The following DISP1 variants were observed in gnomAD, a reference collection of about 807,000 sequenced individuals.
DISP1 encodes protein dispatched homolog 1.
Under a neutral mutation model 37.3 loss-of-function variants are expected in DISP1, and 30 were observed. The observed-to-expected ratio is 0.80, with a 90% CI of 0.60 to 1.09. The LOEUF is 1.09. Ranked by LOEUF, DISP1 falls within the 50% of genes least tolerant of loss-of-function variation. The pLI, the probability that DISP1 is intolerant of heterozygous loss-of-function variation, is 0.00. For synonymous variants in DISP1, 634 were observed against 690.2 expected (o/e 0.92, Z 1.28); for missense variants, 1,598 against 1,879.5 (o/e 0.85, Z 2.77).
intron 1 of DISP1, among the ~76,000 whole-genome samples, chr1:222,846,462 G>T (rs1194843376): frequency 6.6e-6 from 1 of 152,142 alleles, no homozygotes; most frequent in African/African-American, 2.4e-5. Context: ...TTGCACTCCA[G>T]CCTGGGCAAC....
At chr1:222,841,582 C>G (rs1004014816) in intron 1 of DISP1, among the ~76,000 whole-genome samples, 26 of 152,238 alleles carry the variant, frequency 1.7e-4, no homozygotes, top group African/African-American at 6.0e-4. Context: ...ATTTCCATCT[C>G]CAGAAGACTG....
intron 1 of DISP1, among the ~76,000 whole-genome samples, chr1:222,817,397 A>C (rs1202961732): frequency 6.6e-6 from 1 of 152,212 alleles, no homozygotes; most frequent in Non-Finnish European, 1.5e-5. Context: ...CTAGTTTGTA[A>C]AATACGAAAT....
At chr1:222,821,308 A>C (rs915878099) in intron 1 of DISP1, among the ~76,000 whole-genome samples, 2 of 152,252 alleles carry the variant, frequency 1.3e-5, no homozygotes, top group African/African-American at 4.8e-5. Flanking sequence ...TTGAGTAAAC[A>C]ACTATTTGAA....
rs796974033 is a variant in DISP1, at chr1:222,984,421, A to ATATATATATAT, written c.539+1312_539+1313insTATATATATAT. 2.6e-4 allele frequency among the ~76,000 whole-genome samples: 28 copies of ATATATATATAT among 105,778 alleles called. 1 individual carries two copies. The highest frequency in any genetic ancestry group is 8.6e-4 in the African/African-American group (22 of 25,706). The allele number at this position is 105,778 out of a possible 152,430, so 69.4% of individuals were successfully genotyped here. ...TCTGTCTCAAAAAAAAAAAAAAAAA[A>ATATATATATAT]ATATATATATATATAGAGAGAGAGA... is the stretch of plus-strand genomic sequence containing the variant. On this transcript the variant is annotated intron_variant, in intron 4 of 8. Coordinates refer to ENST00000675850, the MANE Select transcript of DISP1 (RefSeq NM_001377229.1).
chr1:222,942,957 C>G lies in DISP1; in HGVS notation c.134C>G (p.Ala45Gly). 6.2e-7 allele frequency: 1 copy of G among 1,614,164 alleles called. No individual in the cohort carries two copies. Among genetic ancestry groups the G allele is most frequent in the Non-Finnish European group, 8.5e-7 (1 of 1,180,034 alleles). ...GCCCAGCAGCTCACACCCAAAGAAG[C>G]AACAAGAACAAAAGTGAGTCCAAAT... Reference protein sequence around the residue: ...HAAQQLTPKEATRTKVSPNGC... With the variant: ...HAAQQLTPKEGTRTKVSPNGC... The change falls in exon 3 of 9, where the codon GCA becomes GGA. Residue 45 changes from alanine (A) to glycine (G), a missense_variant. Transcript: ENST00000675850.
In DISP1 at chr1:222,990,106, G is replaced by A. The variant is rs774539002; in HGVS notation, c.540-519G>A. ...TGTGAGCCACCATGCTCAGCCCTTAGTTTGGTTATTTTTAAGATCTGAACT... is the reference window on the plus strand; with the variant it reads ...TGTGAGCCACCATGCTCAGCCCTTAATTTGGTTATTTTTAAGATCTGAACT... On this transcript the variant is annotated intron_variant, in intron 4 of 8. Coordinates refer to ENST00000675850, the MANE Select transcript of DISP1 (RefSeq NM_001377229.1). 5.4e-4 allele frequency among the ~76,000 whole-genome samples: 82 copies of A among 152,066 alleles called. 1 individual carries two copies. Among genetic ancestry groups the A allele is most frequent in the South Asian group, 6.2e-4 (3 of 4,824 alleles).
chr1:222,915,283 A>G (rs948716940), intron 1 of DISP1, among the ~76,000 whole-genome samples: 5 of 152,136 alleles, frequency 3.3e-5, no homozygotes, highest in Non-Finnish European at 7.3e-5. Context: ...TATATAGGGG[A>G]TCTGAGCTTG....
chr1:222,825,369 T>C (rs1329859270), intron 1 of DISP1, among the ~76,000 whole-genome samples: 1 of 152,200 alleles, frequency 6.6e-6, no homozygotes, highest in Non-Finnish European at 1.5e-5. Flanking sequence ...ATATATACAA[T>C]TTTTATCTGT....
intron 4 of DISP1, among the ~76,000 whole-genome samples, chr1:222,988,621 CTTTT>C (rs1420017319): frequency 1.4e-5 from 2 of 146,632 alleles, no homozygotes; most frequent in Non-Finnish European, 3.0e-5. Flanking sequence ...CTCTTTCTTT[CTTTT>C]TTCTTCCTTC....
chr1:222,831,867 C>G (rs1182986749), intron 1 of DISP1, among the ~76,000 whole-genome samples: 1 of 152,098 alleles, frequency 6.6e-6, no homozygotes, highest in Non-Finnish European at 1.5e-5. Flanking sequence ...TGAGTACCAT[C>G]TTGAGAAAAC....
At chr1:222,894,261 C>G (rs1480201214) in intron 1 of DISP1, among the ~76,000 whole-genome samples, 1 of 152,152 alleles carries the variant, frequency 6.6e-6, no homozygotes, top group Non-Finnish European at 1.5e-5. Context: ...GGGACCTACC[C>G]CTTTCCACCC....
intron 3 of DISP1, among the ~76,000 whole-genome samples, chr1:222,975,513 T>C (rs1319456955): frequency 6.6e-6 from 1 of 152,216 alleles, no homozygotes; most frequent in Non-Finnish European, 1.5e-5. Flanking sequence ...TTTGGAGCTT[T>C]TCCACATTTT....
rs184060698 is a variant in DISP1 at position 222,994,393 on chromosome 1, G to C, written c.890-492G>C. Reference sequence around the variant, plus strand: ...ACCAGAGAGACCATGTACTCGACCAGAATGTGGCCAGCATTCTGTACTTAG... The same window carrying C: ...ACCAGAGAGACCATGTACTCGACCACAATGTGGCCAGCATTCTGTACTTAG... On this transcript the variant is annotated intron_variant, in intron 7 of 8. Coordinates refer to ENST00000675850, the MANE Select transcript of DISP1 (RefSeq NM_001377229.1). Among the ~76,000 whole-genome samples, 150 of 152,232 alleles carry C rather than the reference G, an allele frequency of 9.9e-4. 1 individual carries two copies. The Middle Eastern group carries it at 0.027, about 28-fold the overall frequency.
chr1:222,822,819 T>A (rs1208606407), intron 1 of DISP1, among the ~76,000 whole-genome samples: 1 of 152,180 alleles, frequency 6.6e-6, no homozygotes, highest in Non-Finnish European at 1.5e-5. Flanking sequence ...CTTCTTAAAA[T>A]CTCCTCCTTT....
At chr1:222,974,924 C>A (rs1328259970) in intron 3 of DISP1, among the ~76,000 whole-genome samples, 2 of 152,138 alleles carry the variant, frequency 1.3e-5, no homozygotes, top group African/African-American at 4.8e-5. Context: ...TCCTAACTTA[C>A]CAGTGCTGAA....
intron 2 of DISP1, among the ~76,000 whole-genome samples, chr1:222,933,161 G>T (rs1042000924): frequency 6.6e-6 from 1 of 151,888 alleles, no homozygotes; most frequent in African/African-American, 2.4e-5. Context: ...CTGCAATATC[G>T]TTAAGGTTAT....
At chr1:222,855,411 G>A (rs1046993195) in intron 1 of DISP1, among the ~76,000 whole-genome samples, 1 of 152,304 alleles carries the variant, frequency 6.6e-6, no homozygotes, top group Admixed American at 6.5e-5. Flanking sequence ...ATGGAAATTT[G>A]TATTATCTTC....
intron 1 of DISP1, among the ~76,000 whole-genome samples, chr1:222,902,530 G>A (rs1558320086): frequency 6.6e-6 from 1 of 151,892 alleles, no homozygotes; most frequent in Non-Finnish European, 1.5e-5. Flanking sequence ...CTACAAAATG[G>A]GAGAAAATTT....
chr1:222,836,742 A>AAT (rs67076863), intron 1 of DISP1, among the ~76,000 whole-genome samples: 36,515 of 143,794 alleles, frequency 0.25, 4,464 homozygotes, highest in Middle Eastern at 0.31. Context: ...AATTAAAAAG[A>AAT]ATATATATAT....
Sources: allele counts gnomAD v4.1 joint callset (sites outside exome capture counted in the v4.1 genomes callset), GRCh38; gene constraint gnomAD v4.1.1; transcripts MANE v1.5; gene names NCBI Gene and HGNC (gene_info 2026-07-23, HGNC 2026-07-21).